The following PTPN3 variants were observed in gnomAD, a reference collection of about 807,000 sequenced individuals.
PTPN3 encodes the protein tyrosine-protein phosphatase non-receptor type 3.
A neutral mutation model predicts 132.7 loss-of-function variants in PTPN3; 96 were observed. The ratio of observed to expected loss-of-function variants is 0.72; its 90% CI spans 0.61 to 0.86. The LOEUF is 0.86. PTPN3 is among the 40% of genes least tolerant of loss of function. The pLI, the probability that PTPN3 is intolerant of heterozygous loss-of-function variation, is 0.00. For synonymous variants in PTPN3, 398 were observed against 429.0 expected (o/e 0.93, Z 0.89); for missense variants, 1,125 against 1,159.6 (o/e 0.97, Z 0.43).
At chr9:109,449,301 T>C in intron 5 of PTPN3, 4 of 989,394 alleles carry the variant, frequency 4.0e-6, no homozygotes, top group Non-Finnish European at 4.8e-6. Context: ...TCCATCTGCA[T>C]GAAGTTGCTA....
intron 22 of PTPN3, among the ~76,000 whole-genome samples, chr9:109,384,728 A>G (rs546318155): frequency 6.6e-6 from 1 of 152,362 alleles, no homozygotes; most frequent in South Asian, 2.1e-4. Flanking sequence ...TAAAAAATAC[A>G]TTTGTTCATG....
intron 9 of PTPN3, 57 bp downstream of exon 9, chr9:109,436,826 C>A (rs1400568788): frequency 1.3e-6 from 2 of 1,555,748 alleles, no homozygotes; most frequent in Non-Finnish European, 1.7e-6. Context: ...TTTTCAAACT[C>A]TCAGAGATTA....
At chr9:109,531,047 A>C in the PTPN3 span, among the ~76,000 whole-genome samples, 1 of 152,108 alleles carries the variant, frequency 6.6e-6, no homozygotes, top group African/African-American at 2.4e-5. Flanking sequence ...AGTGTCTTTT[A>C]ATGCACCAAA....
intron 17 of PTPN3, 123 bp from the exon 18 acceptor site, chr9:109,406,741 G>A: frequency 8.3e-7 from 1 of 1,210,362 alleles, no homozygotes; most frequent in East Asian, 2.4e-5. Context: ...TCTCCCTCGG[G>A]TAGTACTGTC....
chr9:109,473,593 A>G (rs1846487790), intron 1 of PTPN3, among the ~76,000 whole-genome samples: 1 of 152,192 alleles, frequency 6.6e-6, no homozygotes, highest in South Asian at 2.1e-4. Context: ...ATAAAGAGAA[A>G]CCAATCTCTT....
intron 4 of PTPN3, among the ~76,000 whole-genome samples, chr9:109,456,774 G>A (rs1166539443): frequency 6.6e-6 from 1 of 152,198 alleles, no homozygotes. Flanking sequence ...TTATGGTTCG[G>A]TTTTCCGTGA....
In PTPN3 at chr9:109,383,405, C is replaced by T. The variant is rs1206169642; in HGVS notation, c.2382+18G>A. The stretch of plus-strand genomic sequence containing the variant: ...TCAGCACCTGCCCCTCCACCGTGCC[C>T]CTCAGGCTGCGGCTCACCTGGGTGT... On this transcript the variant is annotated intron_variant, in intron 23 of 25. Transcript: ENST00000374541. The T allele has an allele frequency of 1.2e-6, 2 of 1,613,968 alleles. No individual in the cohort carries two copies. Among genetic ancestry groups the T allele is most frequent in the Admixed American group, 1.7e-5 (1 of 59,984 alleles).
chr9:109,467,267 ATT>A (rs71492849), intron 1 of PTPN3, among the ~76,000 whole-genome samples: 1 of 148,712 alleles, frequency 6.7e-6, no homozygotes, highest in Non-Finnish European at 1.5e-5. Flanking sequence ...GGTGGGTTAC[ATT>A]TTTTTTTTTC....
chr9:109,417,891 C>T (rs1164577042), intron 14 of PTPN3: 3 of 674,530 alleles, frequency 4.4e-6, no homozygotes, highest in Non-Finnish European at 5.5e-6. Context: ...TACAAGGTCT[C>T]AAGGAGGGGT....
At chr9:109,534,460 A>C in the PTPN3 span, 1 of 1,159,058 alleles carries the variant, frequency 8.6e-7, no homozygotes, top group South Asian at 1.7e-5. Flanking sequence ...CGCTCCCGCT[A>C]CCGATCGAAC....
In PTPN3 at chr9:109,383,566, CGA is replaced by C; in HGVS notation, c.2254-17_2254-16del. ...TGACATTTGGTCTGTAAGAAACCAC[CGA>C]GAGTGAGTGAGCCCCGTCTGTGGGG... is the stretch of plus-strand genomic sequence containing the variant. On this transcript the variant is annotated splice_polypyrimidine_tract_variant and intron_variant, in intron 22 of 25. Coordinates refer to ENST00000374541, the MANE Select transcript of PTPN3 (RefSeq NM_002829.4). 2 of 1,612,390 alleles carry C rather than the reference CGA, an allele frequency of 1.2e-6. No homozygotes were observed. The highest frequency in any genetic ancestry group is 1.7e-6 in the Non-Finnish European group (2 of 1,178,908).
At chr9:109,509,615 C>G in the PTPN3 span, among the ~76,000 whole-genome samples, 2 of 152,234 alleles carry the variant, frequency 1.3e-5, no homozygotes, top group Non-Finnish European at 2.9e-5. Context: ...TTGATATGCC[C>G]GTCAGGCCAA....
intron 1 of PTPN3, among the ~76,000 whole-genome samples, chr9:109,474,771 T>C (rs1028616590): frequency 5.9e-5 from 9 of 152,166 alleles, no homozygotes; most frequent in Admixed American, 5.9e-4. Flanking sequence ...GAAGAGGAAT[T>C]AGGATACAAT....
the PTPN3 span, among the ~76,000 whole-genome samples, chr9:109,534,814 A>G: frequency 1.0e-5 from 1 of 99,442 alleles, no homozygotes; most frequent in Non-Finnish European, 2.5e-5. Flanking sequence ...AAACAAACAA[A>G]CAAACAAACA....
At chr9:109,456,670 C>G (rs529209704) in intron 4 of PTPN3, among the ~76,000 whole-genome samples, 4 of 152,100 alleles carry the variant, frequency 2.6e-5, no homozygotes, top group African/African-American at 9.7e-5. Flanking sequence ...GACTGGCCAC[C>G]GAACTGGGAG....
chr9:109,450,617 T>A (rs936703793), intron 5 of PTPN3: 5 of 985,204 alleles, frequency 5.1e-6, no homozygotes, highest in Non-Finnish European at 6.0e-6. Flanking sequence ...TTCCTAGGAA[T>A]CTTGAAGGAG....
At chr9:109,529,191 C>T in the PTPN3 span, among the ~76,000 whole-genome samples, 20,616 of 152,176 alleles carry the variant, frequency 0.14, 1,582 homozygotes, top group Middle Eastern at 0.24. Context: ...TCTCATGACA[C>T]ATGAAGGAGG....
rs545860165 is a variant in PTPN3, at chr9:109,449,040, C to T, written c.369-185G>A. 14 of 1,412,374 alleles carry T rather than the reference C, an allele frequency of 9.9e-6. No homozygotes were observed. In the East Asian group the frequency reaches 3.1e-4, roughly 32 times the overall value. 87.5% of individuals were successfully genotyped at this position (1,412,374 alleles called of 1,614,324 possible). ...AAAGCTGCCCTGTCATTACTGATGGCTCATGTTGATGCCCTACGTCTTGAC... is the reference window on the plus strand; with the variant it reads ...AAAGCTGCCCTGTCATTACTGATGGTTCATGTTGATGCCCTACGTCTTGAC... On this transcript the variant is annotated intron_variant, in intron 5 of 25. Coordinates refer to ENST00000374541, the MANE Select transcript of PTPN3 (RefSeq NM_002829.4).
chr9:109,424,501 T>A (rs989387917), intron 12 of PTPN3, among the ~76,000 whole-genome samples: 1 of 152,258 alleles, frequency 6.6e-6, no homozygotes. Flanking sequence ...ACAGAGTCGC[T>A]GTGCCAGTGC....
Sources: allele counts gnomAD v4.1 joint callset (sites outside exome capture counted in the v4.1 genomes callset), GRCh38; gene constraint gnomAD v4.1.1; transcripts MANE v1.5; gene names NCBI Gene and HGNC (gene_info 2026-07-23, HGNC 2026-07-21).